Variants in CCR3 observed in about 807,000 individuals in gnomAD.
CCR3 encodes C-C motif chemokine receptor 3, also known as C-C chemokine receptor type 3.
For synonymous variants in CCR3, 203 were observed against 179.2 expected, an observed-to-expected ratio of 1.13 and a Z score of -1.06; for missense variants, 419 against 437.5, an observed-to-expected ratio of 0.96 and a Z score of 0.38.
chr3:46,261,307 T>C (rs1021590827), intron 1 of CCR3, among the ~76,000 whole-genome samples: 3 of 152,204 alleles, frequency 2.0e-5, no homozygotes, highest in Non-Finnish European at 4.4e-5. Flanking sequence ...AGATCATCTA[T>C]ATAAATCATC....
intron 2 of CCR3, among the ~76,000 whole-genome samples, chr3:46,222,125 G>C (rs1247708670): frequency 6.6e-6 from 1 of 152,180 alleles, no homozygotes; most frequent in East Asian, 1.9e-4. Flanking sequence ...CACATCAAAG[G>C]ACCCATGTCT....
At position 46,232,297 on chromosome 3, in the gene CCR3, A is replaced by G. The variant is rs989067770; in HGVS notation, c.-67-10105A>G. The stretch of plus-strand genomic sequence containing the variant: ...TACGTCTGTCCAGATCTCTAAAAGC[A>G]GCCACCAAGCAGGTTTTACACAGGG... On this transcript the variant is annotated intron_variant, in intron 2 of 3. Transcript: ENST00000357422. 6.6e-5 allele frequency among the ~76,000 whole-genome samples: 10 copies of G among 152,360 alleles called. 1 individual carries two copies. The South Asian group carries it at 2.1e-3, about 32-fold the overall frequency.
intron 1 of CCR3, among the ~76,000 whole-genome samples, chr3:46,257,434 T>TC (rs1233739344): frequency 1.3e-5 from 2 of 151,230 alleles, no homozygotes; most frequent in African/African-American, 4.9e-5. Flanking sequence ...AGGCTTTTTT[T>TC]TTTTTTTTTT....
intron 2 of CCR3, among the ~76,000 whole-genome samples, chr3:46,214,929 G>A (rs931141223): frequency 1.3e-5 from 2 of 152,162 alleles, no homozygotes; most frequent in African/African-American, 4.8e-5. Context: ...ACAAGTTTCT[G>A]GGGTGGTTCC....
In CCR3 at chr3:46,266,373, T is replaced by A; in HGVS notation, c.*147T>A. ...AGACACTGAAATATACACACAGCAG[T>A]AGCAGTAGATGCATGTACCCTAAGG... On this transcript the variant is annotated 3_prime_UTR_variant, in exon 2 of 2. Transcript: ENST00000395940. 1.6e-6 allele frequency: 1 copy of A among 618,956 alleles called. No homozygotes were observed. Among genetic ancestry groups the A allele is most frequent in the Non-Finnish European group, 2.9e-6 (1 of 342,046 alleles). 38.3% of individuals were successfully genotyped at this position (618,956 alleles called of 1,614,324 possible). A position where few individuals can be genotyped will look rare whatever the true frequency, so the allele number is the denominator to read the frequency against.
chr3:46,263,485 G>A (rs1245198483), intron 1 of CCR3: 1 of 154,332 alleles, frequency 6.5e-6, no homozygotes, highest in East Asian at 1.9e-4. Flanking sequence ...CTCCTCAAAA[G>A]CCTGGAATGT....
chr3:46,220,620 C>T (rs35775079), intron 2 of CCR3, among the ~76,000 whole-genome samples: 10,427 of 152,174 alleles, frequency 0.069, 584 homozygotes, highest in South Asian at 0.27. Context: ...CGTCAACTAA[C>T]GAGTGGATAA....
At chr3:46,230,963 C>T (rs895797678) in intron 2 of CCR3, among the ~76,000 whole-genome samples, 10 of 152,130 alleles carry the variant, frequency 6.6e-5, no homozygotes, top group Middle Eastern at 3.2e-3. Flanking sequence ...CTCGCTCTGT[C>T]GTCCAGGCTG....
upstream of CCR3, among the ~76,000 whole-genome samples, chr3:46,238,372 CT>C (rs896407005): frequency 6.5e-4 from 99 of 151,450 alleles, no homozygotes; most frequent in African/African-American, 2.1e-3. Flanking sequence ...GCCATCTATA[CT>C]TTTTTTTTAT....
At chr3:46,220,105 G>A (rs1699819383) in intron 2 of CCR3, among the ~76,000 whole-genome samples, 1 of 152,110 alleles carries the variant, frequency 6.6e-6, no homozygotes, top group Non-Finnish European at 1.5e-5. Flanking sequence ...ACAAAATGGT[G>A]AATATCCAGA....
intron 2 of CCR3, among the ~76,000 whole-genome samples, chr3:46,232,198 G>A (rs1462008643): frequency 1.3e-5 from 2 of 152,188 alleles, no homozygotes; most frequent in East Asian, 3.8e-4. Flanking sequence ...AATGGTTAGA[G>A]GAACAAGCAA....
chr3:46,236,328 A>C (rs1488752085), intron 2 of CCR3, among the ~76,000 whole-genome samples: 4 of 152,220 alleles, frequency 2.6e-5, no homozygotes, highest in African/African-American at 9.7e-5. Flanking sequence ...AGAAGAGAAA[A>C]GGGAAGACAC....
intron 2 of CCR3, among the ~76,000 whole-genome samples, chr3:46,231,260 T>A (rs1308754555): frequency 6.6e-6 from 1 of 152,198 alleles, no homozygotes; most frequent in East Asian, 1.9e-4. Flanking sequence ...CAGATTAATC[T>A]TGTGGATGAG....
In CCR3 at chr3:46,214,559, A is replaced by G. The variant is rs531393934; in HGVS notation, c.-68+3652A>G. Among the ~76,000 whole-genome samples the G allele has an allele frequency of 1.9e-4, 29 of 152,274 alleles. No individual in the cohort carries two copies. In the South Asian group the frequency reaches 6.0e-3, roughly 32 times the overall value. On this transcript the variant is annotated intron_variant, in intron 2 of 3. Transcript: ENST00000357422. ...ATGTTCAGACCACCTCTGCTCAGGG[A>G]TGTGGCTGCTGGGGTCACACTGAGG...
chr3:46,227,054 A>G (rs1223128259), intron 2 of CCR3, among the ~76,000 whole-genome samples: 1 of 149,356 alleles, frequency 6.7e-6, no homozygotes. Context: ...TATTTTTCGT[A>G]TTTTTAGTAG....
intron 2 of CCR3, among the ~76,000 whole-genome samples, chr3:46,218,039 T>C (rs1469175256): frequency 6.6e-6 from 1 of 151,610 alleles, no homozygotes; most frequent in African/African-American, 2.4e-5. Context: ...GTTGGTTCTT[T>C]GAAAAGATAA....
In CCR3 at chr3:46,264,224, C is replaced by T. The variant is rs1340651997; in HGVS notation, c.-11-924C>T. ...TTACCCCTTTGTGATGGAGAAGCTCCCAGGGGTTTGCTTTTTGCATGTTAC... is the reference window on the plus strand; with the variant it reads ...TTACCCCTTTGTGATGGAGAAGCTCTCAGGGGTTTGCTTTTTGCATGTTAC... On this transcript the variant is annotated intron_variant, in intron 1 of 1. Coordinates refer to ENST00000395940, the MANE Select transcript of CCR3 (RefSeq NM_178329.3). The T allele has an allele frequency of 2.4e-5, 14 of 585,312 alleles. No homozygotes were observed. In the East Asian group the frequency reaches 4.3e-4, roughly 18 times the overall value. 36.3% of individuals were successfully genotyped at this position (585,312 alleles called of 1,614,324 possible). A position where few individuals can be genotyped will look rare whatever the true frequency, so the allele number is the denominator to read the frequency against.
At chr3:46,255,268 T>A (rs1351774341) in intron 1 of CCR3, among the ~76,000 whole-genome samples, 1 of 152,162 alleles carries the variant, frequency 6.6e-6, no homozygotes, top group Non-Finnish European at 1.5e-5. Context: ...ATGATTTGTT[T>A]GAGTTCCTTG....
intron 1 of CCR3, chr3:46,264,351 C>T: frequency 1.8e-6 from 2 of 1,125,974 alleles, no homozygotes; most frequent in Non-Finnish European, 2.6e-6. Flanking sequence ...TGTGATTGTA[C>T]ATGTGTAACA....
Sources: allele counts gnomAD v4.1 joint callset (sites outside exome capture counted in the v4.1 genomes callset), GRCh38; gene constraint gnomAD v4.1.1; transcripts MANE v1.5; gene names NCBI Gene and HGNC (gene_info 2026-07-23, HGNC 2026-07-21).